The following P2RX3 variants were observed in gnomAD, a reference collection of about 807,000 sequenced individuals.
P2RX3 encodes the protein purinergic receptor P2X 3.
Under a neutral mutation model 51.5 loss-of-function variants are expected in P2RX3, and 41 were observed. The observed-to-expected ratio is 0.80, with a 90% CI of 0.62 to 1.03. P2RX3 has a LOEUF of 1.03. Ranked by LOEUF, P2RX3 falls within the 50% of genes least tolerant of loss-of-function variation. The pLI is 0.00. For missense variants in P2RX3, 459 were observed against 522.1 expected, an observed-to-expected ratio of 0.88 and a Z score of 1.18; for synonymous variants, 185 against 191.6, an observed-to-expected ratio of 0.97 and a Z score of 0.29.
chr11:57,362,330 T>A (rs1421171474), intron 8 of P2RX3, among the ~76,000 whole-genome samples: 1 of 152,206 alleles, frequency 6.6e-6, no homozygotes, highest in Non-Finnish European at 1.5e-5. Flanking sequence ...AGGTATCGAA[T>A]GGTCCTGTCA....
intron 8 of P2RX3, among the ~76,000 whole-genome samples, chr11:57,351,384 T>C (rs1359422322): frequency 6.6e-6 from 1 of 152,246 alleles, no homozygotes; most frequent in Non-Finnish European, 1.5e-5. Context: ...CCAGTAGCAA[T>C]TATAATTGTC....
At chr11:57,346,754 G>A (rs1197207492) in intron 2 of P2RX3, 75 bp downstream of exon 2, 1 of 1,561,602 alleles carries the variant, frequency 6.4e-7, no homozygotes, top group East Asian at 2.2e-5. Flanking sequence ...AGCGAGCAAA[G>A]AGTGCCAATG....
chr11:57,338,516 C>T lies in P2RX3; in HGVS notation c.-35C>T, dbSNP rs1340235252. On this transcript the variant is annotated 5_prime_UTR_variant, in exon 1 of 12. Transcript: ENST00000263314. Reference sequence around the variant, plus strand: ...TCCCTCTCCTGAGGCCACCACTGGGCCCCCTTCTGAGTGTCCCCTGAGCAC... The same window carrying T: ...TCCCTCTCCTGAGGCCACCACTGGGTCCCCTTCTGAGTGTCCCCTGAGCAC... The T allele has an allele frequency of 2.0e-6, 3 of 1,490,124 alleles. No homozygotes were observed. Among genetic ancestry groups the T allele is most frequent in the East Asian group, 2.3e-5 (1 of 43,402 alleles). 92.3% of individuals were successfully genotyped at this position (1,490,124 alleles called of 1,614,324 possible).
In P2RX3 at chr11:57,372,362, C is replaced by G. The variant is rs958918822; in HGVS notation, c.*2365C>G. ...AACCCCCACTTTACAGAAGAAGAAACAGATGCATACTAAAATAAAGAAACT... is the reference window on the plus strand; with the variant it reads ...AACCCCCACTTTACAGAAGAAGAAAGAGATGCATACTAAAATAAAGAAACT... On this transcript the variant is annotated 3_prime_UTR_variant, in exon 12 of 12. Coordinates refer to ENST00000263314, the MANE Select transcript of P2RX3 (RefSeq NM_002559.5). Among the ~76,000 whole-genome samples the G allele has an allele frequency of 2.6e-5, 4 of 152,134 alleles. No individual in the cohort carries two copies. The highest frequency in any genetic ancestry group is 4.4e-5 in the Non-Finnish European group (3 of 68,014).
chr11:57,338,407 T>C lies in P2RX3; in HGVS notation c.-144T>C. 2 of 550,456 alleles carry C rather than the reference T, an allele frequency of 3.6e-6. No homozygotes were observed. The highest frequency in any genetic ancestry group is 6.7e-6 in the Non-Finnish European group (2 of 299,538). 34.1% of individuals were successfully genotyped at this position (550,456 alleles called of 1,614,324 possible). A position where few individuals can be genotyped will look rare whatever the true frequency, so the allele number is the denominator to read the frequency against. On this transcript the variant is annotated 5_prime_UTR_variant, in exon 1 of 12. Coordinates refer to ENST00000263314, the MANE Select transcript of P2RX3 (RefSeq NM_002559.5). ...GAGAATCTCACTAGGATTGCATGGC[T>C]TAAAGGGACAGGCTCCCCATTCCTC...
intron 11 of P2RX3, 123 bp downstream of exon 11, chr11:57,369,561 T>A: frequency 3.4e-6 from 3 of 876,946 alleles, no homozygotes; most frequent in Non-Finnish European, 5.2e-6. Context: ...CCTCAATGAA[T>A]ATTTGGGGTC....
In P2RX3 at chr11:57,347,603, G is replaced by A. The variant is rs182874838; in HGVS notation, c.391+125G>A. 9 of 1,104,484 alleles carry A rather than the reference G, an allele frequency of 8.1e-6. No homozygotes were observed. The Admixed American group carries it at 1.2e-4, about 15-fold the overall frequency. The allele number at this position is 1,104,484 out of a possible 1,614,324, so 68.4% of individuals were successfully genotyped here. ...TGTCATTCTGCTGGCATTTACAGTTGCTCCCTGGGTGCCACACCCAGTGGG... is the reference window on the plus strand; with the variant it reads ...TGTCATTCTGCTGGCATTTACAGTTACTCCCTGGGTGCCACACCCAGTGGG... On this transcript the variant is annotated intron_variant, in intron 4 of 11. Coordinates refer to ENST00000263314, the MANE Select transcript of P2RX3 (RefSeq NM_002559.5).
chr11:57,372,112 A>G lies in P2RX3; in HGVS notation c.*2115A>G, dbSNP rs943451791. On this transcript the variant is annotated 3_prime_UTR_variant, in exon 12 of 12. Coordinates refer to ENST00000263314, the MANE Select transcript of P2RX3 (RefSeq NM_002559.5). Reference sequence around the variant, plus strand: ...TATGGTTTACTCAGCACAATCACCAACATAATCACATGGACCCTCACACCA... The same window carrying G: ...TATGGTTTACTCAGCACAATCACCAGCATAATCACATGGACCCTCACACCA... Among the ~76,000 whole-genome samples, 1 of 152,232 alleles carries G rather than the reference A, an allele frequency of 6.6e-6. No individual in the cohort carries two copies. Among genetic ancestry groups the G allele is most frequent in the Non-Finnish European group, 1.5e-5 (1 of 68,038 alleles).
At chr11:57,362,305 G>C (rs1375029143) in intron 8 of P2RX3, among the ~76,000 whole-genome samples, 5 of 152,194 alleles carry the variant, frequency 3.3e-5, no homozygotes, top group Admixed American at 2.6e-4. Context: ...GACTGGGCCA[G>C]GTCGGGAGGA....
At chr11:57,341,438 C>T (rs1856338548) in intron 1 of P2RX3, among the ~76,000 whole-genome samples, 1 of 152,114 alleles carries the variant, frequency 6.6e-6, no homozygotes, top group Non-Finnish European at 1.5e-5. Context: ...ACGCTCTCAC[C>T]CCCGCCCCTG....
At chr11:57,366,718 C>T (rs1041406974) in intron 8 of P2RX3, among the ~76,000 whole-genome samples, 6 of 152,142 alleles carry the variant, frequency 3.9e-5, no homozygotes, top group Admixed American at 6.5e-5. Flanking sequence ...TGGAGCCAGA[C>T]GCATCTGGTG....
chr11:57,350,776 C>A lies in P2RX3; in HGVS notation c.720C>A (p.Gly240=), dbSNP rs1461777428. 3 of 1,610,748 alleles carry A rather than the reference C, an allele frequency of 1.9e-6. No homozygotes were observed. The highest frequency in any genetic ancestry group is 1.7e-4 in the Middle Eastern group (1 of 6,052). Residue 240 remains glycine (G), a synonymous_variant, in exon 8 of 12, where the codon GGC becomes GGA. Transcript: ENST00000263314. ...AKLARTGGVL[G]IKIGWVCDLD... is the part of the protein sequence containing the mutation. ...CGTTTCTTCAGGGGGGAGTTCTGGGCATTAAGATCGGCTGGGTGTGCGACT... is the reference window on the plus strand; with the variant it reads ...CGTTTCTTCAGGGGGGAGTTCTGGGAATTAAGATCGGCTGGGTGTGCGACT...
At chr11:57,346,414 T>A in intron 1 of P2RX3, 130 bp from the exon 2 acceptor site, 1 of 1,126,366 alleles carries the variant, frequency 8.9e-7, no homozygotes, top group Non-Finnish European at 1.3e-6. Context: ...GTCTCACGCC[T>A]CTGGAAGGAA....
chr11:57,341,220 G>T (rs1467729312), intron 1 of P2RX3, among the ~76,000 whole-genome samples: 1 of 152,166 alleles, frequency 6.6e-6, no homozygotes, highest in Non-Finnish European at 1.5e-5. Context: ...AGGAAAACCT[G>T]CTAAGAGGCA....
intron 8 of P2RX3, among the ~76,000 whole-genome samples, chr11:57,363,622 G>A (rs1299320159): frequency 1.3e-5 from 2 of 152,188 alleles, no homozygotes; most frequent in African/African-American, 2.4e-5. Context: ...TAGTCATGGG[G>A]CCCCAGCTAA....
chr11:57,346,403 G>A (rs1047156271), intron 1 of P2RX3, 141 bp from the exon 2 acceptor site: 5 of 950,422 alleles, frequency 5.3e-6, no homozygotes, highest in Non-Finnish European at 6.3e-6. Flanking sequence ...GCTCACTCTA[G>A]GTCTCACGCC....
At chr11:57,363,353 C>T (rs1232419004) in intron 8 of P2RX3, among the ~76,000 whole-genome samples, 1 of 152,190 alleles carries the variant, frequency 6.6e-6, no homozygotes, top group Non-Finnish European at 1.5e-5. Context: ...ATTTCAGTGG[C>T]TTAATGTGAA....
chr11:57,360,615 C>A (rs1241623991), intron 8 of P2RX3, among the ~76,000 whole-genome samples: 1 of 151,046 alleles, frequency 6.6e-6, no homozygotes, highest in African/African-American at 2.4e-5. Context: ...ACATGGTGAA[C>A]CCCTGTCTCT....
At chr11:57,347,092 T>C in intron 2 of P2RX3, 24 bp from the exon 3 acceptor site, 1 of 1,607,292 alleles carries the variant, frequency 6.2e-7, no homozygotes, top group Non-Finnish European at 8.5e-7. Context: ...TGGATGTTTT[T>C]CTCTCCCTTC....
Sources: gnomAD v4.1 joint callset for allele counts (sites outside exome capture counted in the v4.1 genomes callset) on GRCh38, gnomAD v4.1.1 for gene constraint, MANE v1.5 for transcripts, NCBI Gene and HGNC (gene_info 2026-07-23, HGNC 2026-07-21) for gene names.